The following EMB variants were observed in gnomAD, a reference collection of about 807,000 sequenced individuals.
EMB encodes the protein embigin.
A neutral mutation model predicts 41.4 loss-of-function variants in EMB; 31 were observed. The observed-to-expected ratio is 0.75, with a 90% CI of 0.56 to 1.01. The LOEUF is 1.01. Among genes scored for constraint, EMB ranks in the 50% least tolerant of loss-of-function variants. EMB has a pLI of 0.00. For missense variants in EMB, 379 were observed against 388.3 expected (o/e 0.98, Z 0.20); for synonymous variants, 137 against 140.4 (o/e 0.98, Z 0.17).
At chr5:50,425,832 C>T (rs1009604792) in intron 2 of EMB, among the ~76,000 whole-genome samples, 1 of 151,678 alleles carries the variant, frequency 6.6e-6, no homozygotes, top group Non-Finnish European at 1.5e-5. Context: ...TACAGGTGCC[C>T]ACCACCACAC....
In EMB at chr5:50,441,166, C is replaced by G; in HGVS notation, c.-15G>C. 2.1e-6 allele frequency: 3 copies of G among 1,446,854 alleles called. No individual in the cohort carries two copies. Among genetic ancestry groups the G allele is most frequent in the Non-Finnish European group, 1.8e-6 (2 of 1,094,712 alleles). The allele number at this position is 1,446,854 out of a possible 1,614,324, so 89.6% of individuals were successfully genotyped here. A position where few individuals can be genotyped will look rare whatever the true frequency, so the allele number is the denominator to read the frequency against. On this transcript the variant is annotated 5_prime_UTR_variant, in exon 1 of 9. Transcript: ENST00000303221. Reference sequence around the variant, plus strand: ...AGGGCGCGCATGGCGCCAGAGGGTCCGCCTGGGTCCTCGTGGAGACTGCTC... The same window carrying G: ...AGGGCGCGCATGGCGCCAGAGGGTCGGCCTGGGTCCTCGTGGAGACTGCTC...
chr5:50,432,934 C>T (rs948663048), intron 1 of EMB, among the ~76,000 whole-genome samples: 6 of 151,750 alleles, frequency 4.0e-5, no homozygotes, highest in African/African-American at 9.7e-5. Context: ...AAAAATTAGC[C>T]AGGCATGGTG....
chr5:50,411,124 T>C, intron 3 of EMB, 73 bp downstream of exon 3: 2 of 1,366,036 alleles, frequency 1.5e-6, no homozygotes, highest in East Asian at 2.3e-5. Context: ...GAGGAAAGAA[T>C]GCTCAGTCAG....
rs145542867 is a variant in EMB at position 50,428,614 on chromosome 5, C to T, written c.113-387G>A. The stretch of plus-strand genomic sequence containing the variant: ...GCAGAGAGAGAAGATGAAAGAAGAG[C>T]GACAGGCAGACCTTAATAAAGAGAA... On this transcript the variant is annotated intron_variant, in intron 1 of 8. Transcript: ENST00000303221. 4.5e-4 allele frequency: 443 copies of T among 986,498 alleles called. No homozygotes were observed. The Middle Eastern group carries it at 5.7e-3, about 13-fold the overall frequency. 61.1% of individuals were successfully genotyped at this position (986,498 alleles called of 1,614,324 possible). A position where few individuals can be genotyped will look rare whatever the true frequency, so the allele number is the denominator to read the frequency against.
intron 2 of EMB, 80 bp from the exon 3 acceptor site, chr5:50,411,463 G>T: frequency 1.1e-6 from 1 of 923,414 alleles, no homozygotes; most frequent in Non-Finnish European, 1.5e-6. Flanking sequence ...ATTATTAACA[G>T]CAGTGTTTCA....
Position 50,399,286 on chromosome 5 carries a change from G to A in EMB, c.971C>T (p.Ser324Phe), listed in dbSNP as rs772964478. 6.2e-7 allele frequency: 1 copy of A among 1,608,392 alleles called. No individual in the cohort carries two copies. Among genetic ancestry groups the A allele is most frequent in the Non-Finnish European group, 8.5e-7 (1 of 1,176,902 alleles). The change falls in exon 9 of 9, where the codon TCT (serine) becomes TTT (phenylalanine). Residue 324 changes from serine (S) to phenylalanine (F), a missense_variant. Ser to Phe is a radical substitution (Grantham distance 155). Coordinates refer to ENST00000303221, the MANE Select transcript of EMB (RefSeq NM_198449.3). ...GATGTTTTGTATTCACTGGCCCAGA[G>A]ACTCCTGAGTTAAATAAAGCATAAT... ...NNVPRHRKNE[S>F]LGQ
chr5:50,411,620 T>C (rs1579726492), intron 2 of EMB: 3 of 332,224 alleles, frequency 9.0e-6, no homozygotes, highest in South Asian at 5.3e-5. Context: ...AAAGCTGTGA[T>C]AGTTATCTCC....
chr5:50,441,264 C>T lies in EMB; in HGVS notation c.-113G>A, dbSNP rs1037720614. On this transcript the variant is annotated 5_prime_UTR_variant, in exon 1 of 9. Transcript: ENST00000303221. Reference sequence around the variant, plus strand: ...GGTGGCCCGGCGCTCGCAGCCAGTGCCGCGGGTAGGACGCTGAAGAAAAGG... The same window carrying T: ...GGTGGCCCGGCGCTCGCAGCCAGTGTCGCGGGTAGGACGCTGAAGAAAAGG... The T allele has an allele frequency of 1.1e-5, 6 of 547,210 alleles. No individual in the cohort carries two copies. The highest frequency in any genetic ancestry group is 2.0e-5 in the African/African-American group (1 of 51,102). The allele number at this position is 547,210 out of a possible 1,614,324, so 33.9% of individuals were successfully genotyped here.
At chr5:50,428,679 G>A (rs182253372) in intron 1 of EMB, 38 of 985,396 alleles carry the variant, frequency 3.9e-5, no homozygotes, top group Middle Eastern at 5.2e-4. Context: ...CCAGGGAACA[G>A]AGAAGATAAA....
At chr5:50,425,711 T>TG (rs937153202) in intron 2 of EMB, among the ~76,000 whole-genome samples, 16 of 149,788 alleles carry the variant, frequency 1.1e-4, no homozygotes, top group East Asian at 2.0e-4. Flanking sequence ...TCTTTATTTC[T>TG]GGGGGGGCAG....
chr5:50,424,331 C>A (rs779788205), intron 2 of EMB, among the ~76,000 whole-genome samples: 9 of 152,116 alleles, frequency 5.9e-5, no homozygotes, highest in Non-Finnish European at 8.8e-5. Flanking sequence ...TTTTTACTTG[C>A]AGAATTAAAA....
At position 50,420,619 on chromosome 5, in the gene EMB, AC is replaced by A. The variant is rs549188350; in HGVS notation, c.196+7524del. On this transcript the variant is annotated intron_variant, in intron 2 of 8. Transcript: ENST00000303221. ...TTTCACCTTTCATATTAATTTGTTTACTTACTTATCCATTGCCTTTCCCACT... is the reference window on the plus strand; with the variant it reads ...TTTCACCTTTCATATTAATTTGTTTATTACTTATCCATTGCCTTTCCCACT... Among the ~76,000 whole-genome samples the A allele has an allele frequency of 9.9e-5, 15 of 152,270 alleles. No homozygotes were observed. In the South Asian group the frequency reaches 3.1e-3, roughly 32 times the overall value.
At chr5:50,423,459 T>C (rs1430718385) in intron 2 of EMB, among the ~76,000 whole-genome samples, 1 of 152,200 alleles carries the variant, frequency 6.6e-6, no homozygotes, top group Non-Finnish European at 1.5e-5. Flanking sequence ...ATAATATTCA[T>C]TCTCATGTTT....
Position 50,403,406 on chromosome 5 carries a change from CAT to C in EMB, c.647_648del (p.Tyr216CysfsTer2), listed in dbSNP as rs767453161. Reference protein sequence around the residue: ...QMNKYVINGTYANETKLKITQ... With the variant: ...QMNKYVINGTXANETKLKITQ... ...GTTATCTTCAGCTTTGTTTCGTTAG[CAT>C]ATGTTCCATTGATCACATATTTATT... On this transcript the variant is annotated frameshift_variant, in exon 6 of 9. Transcript: ENST00000303221. LOFTEE classifies it high-confidence loss of function. The C allele has an allele frequency of 6.2e-7, 1 of 1,612,466 alleles. No homozygotes were observed. Among genetic ancestry groups the C allele is most frequent in the Non-Finnish European group, 8.5e-7 (1 of 1,179,020 alleles).
In EMB at chr5:50,422,743, C is replaced by T. The variant is rs115317101; in HGVS notation, c.196+5401G>A. On this transcript the variant is annotated intron_variant, in intron 2 of 8. Transcript: ENST00000303221. ...AAAGTTTAAAGTGGGAAAAAATATTCGCAACTTCTATAAAAAGTAAAAATT... is the reference window on the plus strand; with the variant it reads ...AAAGTTTAAAGTGGGAAAAAATATTTGCAACTTCTATAAAAAGTAAAAATT... Among the ~76,000 whole-genome samples the T allele has an allele frequency of 3.8e-3, 577 of 152,178 alleles. 3 individuals carry two copies. Among genetic ancestry groups the T allele is most frequent in the African/African-American group, 0.013 (550 of 41,528 alleles).
chr5:50,425,868 G>A (rs968045028), intron 2 of EMB, among the ~76,000 whole-genome samples: 7 of 152,042 alleles, frequency 4.6e-5, no homozygotes, highest in African/African-American at 1.5e-4. Flanking sequence ...ATTTTTGGCA[G>A]AGACGGGGTT....
intron 7 of EMB, among the ~76,000 whole-genome samples, chr5:50,400,596 C>A (rs1364409967): frequency 6.6e-6 from 1 of 151,912 alleles, no homozygotes; most frequent in Non-Finnish European, 1.5e-5. Context: ...GAAAACACCT[C>A]AGCAACTATT....
At chr5:50,441,417 T>G, upstream of EMB, 9 of 275,954 alleles carry the variant, frequency 3.3e-5, no homozygotes, top group East Asian at 6.0e-5. Context: ...GCGGTGCTAC[T>G]TCCCGGCTGC....
intron 1 of EMB, among the ~76,000 whole-genome samples, chr5:50,438,414 G>A (rs1490174981): frequency 1.3e-5 from 2 of 152,122 alleles, no homozygotes; most frequent in African/African-American, 4.8e-5. Flanking sequence ...TTTGAAAGGT[G>A]AATCAGGGAT....
Sources: allele counts gnomAD v4.1 joint callset (sites outside exome capture counted in the v4.1 genomes callset), GRCh38; gene constraint gnomAD v4.1.1; transcripts MANE v1.5; gene names NCBI Gene and HGNC (gene_info 2026-07-23, HGNC 2026-07-21).